KLRD1: variants seen among roughly 807,000 people sequenced by gnomAD.
The protein encoded by KLRD1 is killer cell lectin like receptor D1, also known as natural killer cells antigen CD94.
A neutral mutation model predicts 22.6 loss-of-function variants in KLRD1; 21 were observed. The ratio of observed to expected loss-of-function variants is 0.93; its 90% CI spans 0.66 to 1.34. KLRD1 has a LOEUF of 1.34. Among genes scored for constraint, KLRD1 ranks in the 40% most tolerant of loss-of-function variants. The probability of loss-of-function intolerance (pLI) is 0.00; values close to 1 mark genes in which losing one functional copy is unlikely to be tolerated. For missense variants in KLRD1, 183 were observed against 208.6 expected, an observed-to-expected ratio of 0.88 and a Z score of 0.76; for synonymous variants, 59 against 71.1, an observed-to-expected ratio of 0.83 and a Z score of 0.85.
intron 5 of KLRD1, 30 bp from the exon 6 acceptor site, chr12:10,314,643 T>C: frequency 2.6e-6 from 4 of 1,523,348 alleles, no homozygotes; most frequent in Non-Finnish European, 3.5e-6. Context: ...TTCCTTTTTG[T>C]GTATGTGAAC....
chr12:10,249,196 CAG>C (rs1369906347), intron 1 of KLRD1, among the ~76,000 whole-genome samples: 1 of 152,084 alleles, frequency 6.6e-6, no homozygotes, highest in Non-Finnish European at 1.5e-5. Flanking sequence ...TTAGGCTTAA[CAG>C]GGGACAGGGG....
intron 1 of KLRD1, among the ~76,000 whole-genome samples, chr12:10,251,483 A>T (rs148452536): frequency 6.6e-6 from 1 of 152,018 alleles, no homozygotes; most frequent in Non-Finnish European, 1.5e-5. Flanking sequence ...GTGGTCCCCA[A>T]ACTTTTTGGC....
At chr12:10,296,964 G>A (rs545158466) in intron 1 of KLRD1, among the ~76,000 whole-genome samples, 55 of 152,254 alleles carry the variant, frequency 3.6e-4, no homozygotes, top group African/African-American at 8.7e-4. Context: ...TTAAGTGTGC[G>A]GTAGTTATGG....
rs75666204 is a variant in KLRD1, at chr12:10,283,384, C to T, written c.-100-24594C>T. ...AGTGGTTACCAGGGACAGTGAGGAG[C>T]GGAGAGTGGGGATAAGGTTTTAGTA... is the stretch of plus-strand genomic sequence containing the variant. On this transcript the variant is annotated intron_variant, in intron 1 of 5. Coordinates refer to the KLRD1 transcript ENST00000544747. Among the ~76,000 whole-genome samples, 598 of 152,190 alleles carry T rather than the reference C, an allele frequency of 3.9e-3. 20 individuals are homozygous for T. The East Asian group carries it at 0.068, about 17-fold the overall frequency.
chr12:10,254,627 A>C (rs1227539738), intron 1 of KLRD1, among the ~76,000 whole-genome samples: 1 of 151,472 alleles, frequency 6.6e-6, no homozygotes, highest in African/African-American at 2.4e-5. Context: ...GGTGGCTCAC[A>C]CCTGTAATCC....
intron 1 of KLRD1, among the ~76,000 whole-genome samples, chr12:10,297,237 A>G (rs1443748423): frequency 6.6e-6 from 1 of 152,220 alleles, no homozygotes; most frequent in African/African-American, 2.4e-5. Context: ...TATGGAATAC[A>G]GGGAAAGAGA....
intron 1 of KLRD1, among the ~76,000 whole-genome samples, chr12:10,241,782 A>G (rs1949243608): frequency 6.6e-6 from 1 of 152,192 alleles, no homozygotes; most frequent in South Asian, 2.1e-4. Flanking sequence ...ATGTATATAT[A>G]TATGCATACA....
chr12:10,294,881 T>C (rs1949808377), intron 1 of KLRD1, among the ~76,000 whole-genome samples: 1 of 152,192 alleles, frequency 6.6e-6, no homozygotes, highest in South Asian at 2.1e-4. Context: ...TATGTGACTA[T>C]ATACGTTATA....
chr12:10,306,037 C>T (rs1262470433), upstream of KLRD1, among the ~76,000 whole-genome samples: 1 of 151,406 alleles, frequency 6.6e-6, no homozygotes, highest in Non-Finnish European at 1.5e-5. Flanking sequence ...GGCGTGGTGG[C>T]GGGAGCCTGT....
chr12:10,290,529 G>T (rs1162412999), intron 1 of KLRD1, among the ~76,000 whole-genome samples: 1 of 152,098 alleles, frequency 6.6e-6, no homozygotes, highest in African/African-American at 2.4e-5. Flanking sequence ...GAAAGCATTG[G>T]ACATAATAGA....
At chr12:10,261,357 G>A (rs1949452489) in intron 1 of KLRD1, among the ~76,000 whole-genome samples, 1 of 152,090 alleles carries the variant, frequency 6.6e-6, no homozygotes. Flanking sequence ...TAATATAGAA[G>A]TAATAGTCAC....
At chr12:10,300,337 G>T (rs1306464409), upstream of KLRD1, among the ~76,000 whole-genome samples, 1 of 152,154 alleles carries the variant, frequency 6.6e-6, no homozygotes, top group Non-Finnish European at 1.5e-5. Flanking sequence ...TGGATGTTGT[G>T]CTAGAAGGCA....
intron 1 of KLRD1, among the ~76,000 whole-genome samples, chr12:10,268,173 A>G (rs1258887314): frequency 1.3e-5 from 2 of 152,230 alleles, no homozygotes; most frequent in Non-Finnish European, 2.9e-5. Flanking sequence ...TTATTGCCTC[A>G]GATTAGATGG....
chr12:10,310,317 G>A (rs1463404517), intron 3 of KLRD1, among the ~76,000 whole-genome samples: 6 of 152,100 alleles, frequency 3.9e-5, no homozygotes, highest in African/African-American at 1.2e-4. Context: ...TCAGGGTTTC[G>A]CCATGTTGGC....
At chr12:10,286,661 GCT>G (rs1491568061) in intron 1 of KLRD1, among the ~76,000 whole-genome samples, 863 of 49,300 alleles carry the variant, frequency 0.018, 20 homozygotes, top group East Asian at 0.055. Flanking sequence ...CGCTTATGGT[GCT>G]TTTTTTTTTT....
chr12:10,271,074 G>A (rs920770015), intron 1 of KLRD1, among the ~76,000 whole-genome samples: 1 of 149,106 alleles, frequency 6.7e-6, no homozygotes, highest in Non-Finnish European at 1.5e-5. Context: ...GTGAGCCACC[G>A]CAGCCGCCTC....
Position 10,317,028 on chromosome 12 carries a change from G to GCGAACA in KLRD1, c.*2235_*2236insCGAACA, listed in dbSNP as rs1950247313. ...AACTCCCACTTATTAGTAAGAACAT[G>GCGAACA]TGGTGTTTGGTTTTCTGTTCCTGTG... On this transcript the variant is annotated 3_prime_UTR_variant, in exon 6 of 6. Transcript: ENST00000336164. 1 of 151,396 alleles carries GCGAACA rather than the reference G, an allele frequency of 6.6e-6. No individual in the cohort carries two copies. The highest frequency in any genetic ancestry group is 2.4e-5 in the African/African-American group (1 of 41,128). 9.4% of individuals were successfully genotyped at this position (151,396 alleles called of 1,614,324 possible). A position where few individuals can be genotyped will look rare whatever the true frequency, so the allele number is the denominator to read the frequency against.
intron 1 of KLRD1, chr12:10,308,652 A>C: frequency 6.5e-6 from 1 of 153,906 alleles, no homozygotes; most frequent in Admixed American, 6.4e-5. Context: ...ATGTATGTTC[A>C]ATATACTGTG....
At position 10,322,291 on chromosome 12, in the gene KLRD1, C is replaced by T. The variant is rs757611312; in HGVS notation, c.*7498C>T. On this transcript the variant is annotated 3_prime_UTR_variant, in exon 6 of 6. Coordinates refer to ENST00000336164, the MANE Select transcript of KLRD1 (RefSeq NM_002262.5). ...CCAACTCCTGGCCTCAAGTGATCCA[C>T]CTGCCTCGGCCTCCTGAAGTGCTGG... The T allele has an allele frequency of 4.6e-5, 7 of 152,304 alleles. No homozygotes were observed. The highest frequency in any genetic ancestry group is 7.3e-5 in the Non-Finnish European group (5 of 68,098). 9.4% of individuals were successfully genotyped at this position (152,304 alleles called of 1,614,324 possible).
Sources: allele counts gnomAD v4.1 joint callset (sites outside exome capture counted in the v4.1 genomes callset), GRCh38; gene constraint gnomAD v4.1.1; transcripts MANE v1.5; gene names NCBI Gene and HGNC (gene_info 2026-07-23, HGNC 2026-07-21).